CRACD: variants seen among roughly 807,000 people sequenced by gnomAD.
The protein encoded by CRACD is capping protein inhibiting regulator of actin dynamics.
In CRACD, 56 loss-of-function variants were observed where a neutral mutation model predicts 106.8. The ratio of observed to expected loss-of-function variants is 0.52; its 90% CI spans 0.42 to 0.66. The LOEUF (loss-of-function observed/expected upper bound fraction) is 0.66, where lower values mean the gene tolerates loss of function less well. Ranked by LOEUF, CRACD falls within the 30% of genes least tolerant of loss-of-function variation. The probability of loss-of-function intolerance (pLI) is 0.00; values close to 1 mark genes in which losing one functional copy is unlikely to be tolerated. For missense variants in CRACD, 1,730 were observed against 1,623.2 expected, an observed-to-expected ratio of 1.07 and a Z score of -1.13; for synonymous variants, 754 against 670.8, an observed-to-expected ratio of 1.12 and a Z score of -1.92.
At chr4:56,103,698 G>C (rs1396845029) in intron 1 of CRACD, among the ~76,000 whole-genome samples, 2 of 152,216 alleles carry the variant, frequency 1.3e-5, no homozygotes, top group East Asian at 3.8e-4. Flanking sequence ...GCATTACCTA[G>C]AATGAGAGAA....
rs536151717 is a variant in CRACD, at chr4:56,246,885, T to G, written c.-188-25436T>G. ...GTGAATCCCCCAACATTGTTATTAT[T>G]AGTAGTACTTAGGCACTGGTATTAG... On this transcript the variant is annotated intron_variant, in intron 2 of 10. Coordinates refer to ENST00000682029, the MANE Select transcript of CRACD (RefSeq NM_001393381.1). 2.0e-5 allele frequency among the ~76,000 whole-genome samples: 3 copies of G among 152,290 alleles called. No homozygotes were observed. In the South Asian group the frequency reaches 6.2e-4, roughly 32 times the overall value.
rs34704837 is a variant in CRACD at position 56,213,002 on chromosome 4, T to TG, written c.-189+33573dup. ...TTGGAATCCAAGAGAGAGCTTACCGTGCCCCAGTTGCTGCACAAAAGCAGT... is the reference window on the plus strand; with the variant it reads ...TTGGAATCCAAGAGAGAGCTTACCGTGGCCCCAGTTGCTGCACAAAAGCAGT... On this transcript the variant is annotated intron_variant, in intron 2 of 10. Coordinates refer to ENST00000682029, the MANE Select transcript of CRACD (RefSeq NM_001393381.1). Among the ~76,000 whole-genome samples the TG allele has an allele frequency of 8.8e-3, 1,293 of 146,492 alleles. 17 individuals are homozygous for TG. The highest frequency in any genetic ancestry group is 0.033 in the African/African-American group (1,232 of 37,526).
chr4:56,054,124 C>T (rs1046624597), intron 1 of CRACD, among the ~76,000 whole-genome samples: 6 of 152,104 alleles, frequency 3.9e-5, no homozygotes, highest in African/African-American at 1.4e-4. Flanking sequence ...TATGTTCAGG[C>T]AGATACAAAA....
At chr4:56,136,999 T>G (rs1001495410) in intron 1 of CRACD, among the ~76,000 whole-genome samples, 9 of 152,244 alleles carry the variant, frequency 5.9e-5, no homozygotes, top group Non-Finnish European at 1.2e-4. Context: ...TGAATTGCCC[T>G]CACACCATTG....
chr4:56,112,668 AT>A (rs1429693472), intron 1 of CRACD, among the ~76,000 whole-genome samples: 1 of 152,176 alleles, frequency 6.6e-6, no homozygotes, highest in Non-Finnish European at 1.5e-5. Context: ...ATATGTTATA[AT>A]AAGATGTTAT....
chr4:56,144,200 A>C (rs1735301782), intron 1 of CRACD, among the ~76,000 whole-genome samples: 1 of 152,182 alleles, frequency 6.6e-6, no homozygotes, highest in Non-Finnish European at 1.5e-5. Flanking sequence ...AAAGTGGAGA[A>C]GGGGGGAGAG....
chr4:56,316,338 C>T lies in CRACD; in HGVS notation c.2836C>T (p.Pro946Ser). 1 of 1,614,060 alleles carries T rather than the reference C, an allele frequency of 6.2e-7. No individual in the cohort carries two copies. Among genetic ancestry groups the T allele is most frequent in the Non-Finnish European group, 8.5e-7 (1 of 1,179,928 alleles). ...PPPASSQTPAPEHDKAANKMP... is the reference protein window; with the variant it reads ...PPPASSQTPASEHDKAANKMP... ...ACCGGCCAGCAGCCAGACCCCGGCT[C>T]CGGAGCACGACAAGGCAGCAAACAA... The change falls in exon 8 of 11, where the codon CCG becomes TCG. Residue 946 changes from proline (P) to serine (S), a missense_variant. Physicochemically the swap from Pro to Ser is moderately conservative, Grantham distance 74. Coordinates refer to ENST00000682029, the MANE Select transcript of CRACD (RefSeq NM_001393381.1).
intron 2 of CRACD, among the ~76,000 whole-genome samples, chr4:56,229,535 G>T (rs1214022122): frequency 3.3e-5 from 5 of 152,138 alleles, no homozygotes; most frequent in Non-Finnish European, 7.3e-5. Flanking sequence ...TGTTTTAGCA[G>T]CCTGAATGGA....
intron 2 of CRACD, among the ~76,000 whole-genome samples, chr4:56,262,661 A>G (rs1348214573): frequency 6.6e-6 from 1 of 152,210 alleles, no homozygotes; most frequent in East Asian, 1.9e-4. Flanking sequence ...GAGATAACAT[A>G]TACCAATCAC....
At chr4:56,058,358 C>T (rs970237889) in intron 1 of CRACD, among the ~76,000 whole-genome samples, 4 of 152,212 alleles carry the variant, frequency 2.6e-5, no homozygotes, top group African/African-American at 9.7e-5. Flanking sequence ...TGTGAGCCAC[C>T]GCACCTGGCC....
Position 56,298,216 on chromosome 4 carries a change from C to T in CRACD, c.-14C>T. ...GAAGCACATGATTTACCTTCCAGGT[C>T]CTTCAACTATTCTATGGGAACCCGG... On this transcript the variant is annotated splice_region_variant and 5_prime_UTR_variant, in exon 4 of 11. Transcript: ENST00000682029. 3 of 1,612,810 alleles carry T rather than the reference C, an allele frequency of 1.9e-6. No homozygotes were observed. The highest frequency in any genetic ancestry group is 2.5e-6 in the Non-Finnish European group (3 of 1,179,562).
chr4:56,061,306 G>A (rs376797960), intron 1 of CRACD, among the ~76,000 whole-genome samples: 1 of 152,106 alleles, frequency 6.6e-6, no homozygotes, highest in African/African-American at 2.4e-5. Flanking sequence ...AAGTAGCTGG[G>A]ACTATAGGCG....
intron 2 of CRACD, among the ~76,000 whole-genome samples, chr4:56,203,419 C>T (rs933500154): frequency 4.6e-5 from 7 of 152,212 alleles, no homozygotes; most frequent in Non-Finnish European, 8.8e-5. Context: ...AAGCTTCTGA[C>T]GCTGCAGGAT....
At chr4:56,197,831 T>C (rs565228599) in intron 2 of CRACD, among the ~76,000 whole-genome samples, 12 of 152,128 alleles carry the variant, frequency 7.9e-5, no homozygotes, top group Admixed American at 1.3e-4. Flanking sequence ...GCACCCGCCA[T>C]CACGCCCGGC....
chr4:56,095,054 T>G (rs1052133683), intron 1 of CRACD, among the ~76,000 whole-genome samples: 18 of 152,326 alleles, frequency 1.2e-4, no homozygotes, highest in African/African-American at 4.1e-4. Flanking sequence ...TATATCCTTT[T>G]CATTTCTTAA....
intron 3 of CRACD, chr4:56,297,811 AG>A (rs1744134313): frequency 6.5e-6 from 1 of 154,802 alleles, no homozygotes; most frequent in South Asian, 2.0e-4. Flanking sequence ...GTCATCTGAA[AG>A]AAAGAAATCC....
At chr4:56,172,850 C>T (rs1220650927) in intron 1 of CRACD, among the ~76,000 whole-genome samples, 1 of 152,134 alleles carries the variant, frequency 6.6e-6, no homozygotes, top group Non-Finnish European at 1.5e-5. Flanking sequence ...TCTCGATCTC[C>T]TGACCTCATG....
chr4:56,106,546 C>G (rs998297710), intron 1 of CRACD, among the ~76,000 whole-genome samples: 2 of 152,322 alleles, frequency 1.3e-5, no homozygotes, highest in East Asian at 3.9e-4. Flanking sequence ...AATCTGCCAT[C>G]CCTTTCAGTG....
At chr4:56,271,451 ATAGAGGGAAT>A (rs1742342098) in intron 2 of CRACD, among the ~76,000 whole-genome samples, 2 of 152,166 alleles carry the variant, frequency 1.3e-5, no homozygotes, top group African/African-American at 4.8e-5. Flanking sequence ...ATATATGGGG[ATAGAGGGAAT>A]TAGGGGGCAA....
Sources: allele counts gnomAD v4.1 joint callset (sites outside exome capture counted in the v4.1 genomes callset), GRCh38; gene constraint gnomAD v4.1.1; transcripts MANE v1.5; gene names NCBI Gene and HGNC (gene_info 2026-07-23, HGNC 2026-07-21).